Variants in AHCY observed in about 807,000 individuals in gnomAD.
The protein encoded by AHCY is adenosylhomocysteinase.
In AHCY, 24 loss-of-function variants were observed where a neutral mutation model predicts 45.4. The ratio of observed to expected loss-of-function variants is 0.53; its 90% CI spans 0.38 to 0.74. The LOEUF is 0.74. Ranked by LOEUF, AHCY falls within the 30% of genes least tolerant of loss-of-function variation. The pLI, the probability that AHCY is intolerant of heterozygous loss-of-function variation, is 0.00. For synonymous variants in AHCY, 245 were observed against 235.1 expected (o/e 1.04, Z -0.39); for missense variants, 449 against 594.1 (o/e 0.76, Z 2.54).
At chr20:34,291,985 AC>A (rs1338032234) in intron 4 of AHCY, among the ~76,000 whole-genome samples, 1 of 152,164 alleles carries the variant, frequency 6.6e-6, no homozygotes, top group Non-Finnish European at 1.5e-5. Flanking sequence ...TTCACACCAT[AC>A]CCGCAGTGAA....
At chr20:34,307,120 CTT>C (rs61016665), upstream of AHCY, among the ~76,000 whole-genome samples, 104,095 of 142,974 alleles carry the variant, frequency 0.73, 40,792 homozygotes, top group Non-Finnish European at 0.87. Context: ...TTTTCTTTTT[CTT>C]TTTTTTTTTT....
At chr20:34,266,170 G>A in the AHCY span, among the ~76,000 whole-genome samples, 4 of 151,366 alleles carry the variant, frequency 2.6e-5, no homozygotes, top group African/African-American at 7.3e-5. Flanking sequence ...TGGCTAACAC[G>A]GAGAAACCCC....
At chr20:34,255,903 CGG>C in the AHCY span, among the ~76,000 whole-genome samples, 1 of 152,062 alleles carries the variant, frequency 6.6e-6, no homozygotes, top group Non-Finnish European at 1.5e-5. Context: ...TCCCTTTCCC[CGG>C]GGGAGTTAGA....
Position 34,280,431 on chromosome 20 carries a change from T to C in AHCY, c.*603A>G, listed in dbSNP as rs58365582. ...TGCATTCATGTTTTTCTGGCCCCTC[T>C]CAACCCCTAGCTGTCACTTCTCTGT... is the stretch of plus-strand genomic sequence containing the variant. On this transcript the variant is annotated 3_prime_UTR_variant, in exon 10 of 10. Transcript: ENST00000217426. 1.3e-5 allele frequency: 2 copies of C among 154,464 alleles called. No homozygotes were observed. The highest frequency in any genetic ancestry group is 1.3e-4 in the Admixed American group (2 of 15,842). 9.6% of individuals were successfully genotyped at this position (154,464 alleles called of 1,614,324 possible). A position where few individuals can be genotyped will look rare whatever the true frequency, so the allele number is the denominator to read the frequency against.
chr20:34,285,881 A>ACC, intron 8 of AHCY: 1 of 496,722 alleles, frequency 2.0e-6, no homozygotes, highest in Non-Finnish European at 3.7e-6. Context: ...CAGGCGGATC[A>ACC]TGAGGTCAGG....
chr20:34,275,993 T>C (rs533259547), downstream of AHCY, among the ~76,000 whole-genome samples: 1 of 152,132 alleles, frequency 6.6e-6, no homozygotes, highest in Non-Finnish European at 1.5e-5. Context: ...ACCCGGTCTG[T>C]GTTGGCTTCA....
At chr20:34,291,663 A>C in intron 4 of AHCY, 132 bp from the exon 5 acceptor site, 2 of 826,804 alleles carry the variant, frequency 2.4e-6, no homozygotes, top group Non-Finnish European at 4.0e-6. Flanking sequence ...AGGCCCCCCA[A>C]TCACCCAGAC....
At chr20:34,262,504 G>T in the AHCY span, among the ~76,000 whole-genome samples, 1 of 152,278 alleles carries the variant, frequency 6.6e-6, no homozygotes, top group East Asian at 1.9e-4. Flanking sequence ...ATGAAGGAAG[G>T]GGCACCTGGG....
the AHCY span, chr20:34,268,893 G>T: frequency 6.8e-7 from 1 of 1,460,980 alleles, no homozygotes; most frequent in Non-Finnish European, 9.3e-7. Flanking sequence ...GGAAACCTCT[G>T]GTCCGGGATC....
At chr20:34,296,771 G>T (rs1285646291) in intron 1 of AHCY, among the ~76,000 whole-genome samples, 1 of 152,180 alleles carries the variant, frequency 6.6e-6, no homozygotes, top group Non-Finnish European at 1.5e-5. Context: ...GGGAAGCTGA[G>T]ATCCTGCCAA....
chr20:34,295,776 C>G (rs905284385), intron 1 of AHCY, among the ~76,000 whole-genome samples, 191 bp from the exon 2 acceptor site: 14 of 152,322 alleles, frequency 9.2e-5, no homozygotes, highest in Non-Finnish European at 1.8e-4. Context: ...CGGTCCCTGC[C>G]TACCTGCACC....
intron 1 of AHCY, among the ~76,000 whole-genome samples, chr20:34,298,609 AGG>A (rs35505406): frequency 2.4e-5 from 2 of 83,152 alleles, no homozygotes; most frequent in African/African-American, 6.8e-5. Flanking sequence ...CGGCGGCGGG[AGG>A]GGGGGGGGTG....
chr20:34,240,221 C>T, the AHCY span, among the ~76,000 whole-genome samples: 2 of 152,212 alleles, frequency 1.3e-5, no homozygotes, highest in Non-Finnish European at 2.9e-5. Flanking sequence ...GTAGGCAAAA[C>T]TATTCTTAAA....
At chr20:34,285,727 C>T (rs2036159053) in intron 8 of AHCY, 93 bp from the exon 9 acceptor site, 1 of 1,434,242 alleles carries the variant, frequency 7.0e-7, no homozygotes. Flanking sequence ...TCCAACAGTG[C>T]CCATGAGGAG....
the AHCY span, among the ~76,000 whole-genome samples, chr20:34,256,082 G>A: frequency 6.6e-6 from 1 of 152,246 alleles, no homozygotes; most frequent in African/African-American, 2.4e-5. Flanking sequence ...CTAGAGAGTG[G>A]TAGCAGAATT....
At chr20:34,259,749 TA>T in the AHCY span, among the ~76,000 whole-genome samples, 416 of 142,266 alleles carry the variant, frequency 2.9e-3, no homozygotes, top group East Asian at 2.8e-3. Flanking sequence ...AGACTCCATC[TA>T]AAAAAAAAAA....
At chr20:34,302,913 C>T (rs2036828519) in intron 1 of AHCY, 2 of 985,446 alleles carry the variant, frequency 2.0e-6, no homozygotes, top group Non-Finnish European at 2.4e-6. Flanking sequence ...GCAGGCCCCC[C>T]GAGCAGGGTC....
chr20:34,246,162 CAT>C, the AHCY span: 3 of 1,042,484 alleles, frequency 2.9e-6, no homozygotes, highest in African/African-American at 3.2e-5. Flanking sequence ...ACTCTTGTCA[CAT>C]GTTTCTTCTT....
intron 1 of AHCY, among the ~76,000 whole-genome samples, chr20:34,308,929 C>T (rs1208898171): frequency 3.3e-5 from 5 of 150,140 alleles, no homozygotes; most frequent in South Asian, 2.1e-4. Flanking sequence ...GCTGGGATTA[C>T]AGGCGTGAGC....
Sources: gnomAD v4.1 joint callset for allele counts (sites outside exome capture counted in the v4.1 genomes callset) on GRCh38, gnomAD v4.1.1 for gene constraint, MANE v1.5 for transcripts, NCBI Gene and HGNC (gene_info 2026-07-23, HGNC 2026-07-21) for gene names.